PRMT7: variants seen among roughly 807,000 people sequenced by gnomAD.
PRMT7 encodes protein arginine N-methyltransferase 7.
PRMT7 carries 75 observed loss-of-function variants against 85.4 expected under a neutral mutation model. The observed-to-expected ratio is 0.88, with a 90% confidence interval of 0.73 to 1.06. PRMT7 has a LOEUF of 1.06. Among genes scored for constraint, PRMT7 ranks in the 50% least tolerant of loss-of-function variants. PRMT7 has a pLI of 0.00. For synonymous variants in PRMT7, 397 were observed against 359.5 expected (o/e 1.10, Z -1.18); for missense variants, 868 against 915.2 (o/e 0.95, Z 0.67).
chr16:68,323,854 G>A (rs2082784863), intron 4 of PRMT7: 1 of 152,136 alleles, frequency 6.6e-6, no homozygotes, highest in Non-Finnish European at 1.5e-5. Context: ...TTCAACAGAA[G>A]GGTCACTGTG....
intron 9 of PRMT7, 138 bp from the exon 10 acceptor site, chr16:68,345,537 C>G: frequency 2.3e-6 from 3 of 1,280,418 alleles, no homozygotes; most frequent in Non-Finnish European, 3.2e-6. Context: ...GTTTATTTAT[C>G]TCCTTGGCCA....
chr16:68,333,581 C>T (rs915974487), intron 6 of PRMT7, among the ~76,000 whole-genome samples: 3 of 152,106 alleles, frequency 2.0e-5, no homozygotes, highest in African/African-American at 7.2e-5. Context: ...CCTCAGCCTC[C>T]CAAAGTGCTG....
At chr16:68,346,337 A>G (rs773746538) in intron 11 of PRMT7, 57 bp downstream of exon 11, 22 of 1,605,772 alleles carry the variant, frequency 1.4e-5, no homozygotes, top group Non-Finnish European at 1.8e-5. Context: ...AGTTTGTCCC[A>G]TGAACCCCAG....
chr16:68,339,577 AC>A lies in PRMT7; in HGVS notation c.746+16del. The A allele has an allele frequency of 6.2e-7, 1 of 1,611,272 alleles. No homozygotes were observed. The highest frequency in any genetic ancestry group is 8.5e-7 in the Non-Finnish European group (1 of 1,178,438). ...GCCCATGTTCAGGTACCAAGGAGCC[AC>A]CATAGGTGATGGCGCTTTGAGACAT... On this transcript the variant is annotated intron_variant, in intron 8 of 18. Transcript: ENST00000441236.
chr16:68,341,828 A>C (rs1249536147), intron 9 of PRMT7, among the ~76,000 whole-genome samples: 1 of 152,242 alleles, frequency 6.6e-6, no homozygotes, highest in Non-Finnish European at 1.5e-5. Context: ...AGTTTCTGCA[A>C]GGTGGTGTTA....
rs73613978 is a variant in PRMT7 at position 68,340,038 on chromosome 16, G to T, written c.927+70G>T. On this transcript the variant is annotated intron_variant, in intron 9 of 18. Transcript: ENST00000441236. ...CACTGCTGTTCATGGGAAAGTAACAGTTGAGCCTTGGACCCAGGAGAATTT... is the reference window on the plus strand; with the variant it reads ...CACTGCTGTTCATGGGAAAGTAACATTTGAGCCTTGGACCCAGGAGAATTT... 5.1e-3 allele frequency: 7,288 copies of T among 1,442,086 alleles called. 296 individuals are homozygous for T. In the African/African-American group the frequency reaches 0.092, roughly 18 times the overall value. 89.3% of individuals were successfully genotyped at this position (1,442,086 alleles called of 1,614,324 possible). A position where few individuals can be genotyped will look rare whatever the true frequency, so the allele number is the denominator to read the frequency against.
In PRMT7 at chr16:68,316,008, C is replaced by T. The variant is rs756452564; in HGVS notation, c.29C>T (p.Pro10Leu). 3.7e-6 allele frequency: 6 copies of T among 1,613,580 alleles called. No homozygotes were observed. Among genetic ancestry groups the T allele is most frequent in the East Asian group, 4.5e-5 (2 of 44,904 alleles). MKIFCSRANPTTGSVEWLEE... is the reference protein window; with the variant it reads MKIFCSRANLTTGSVEWLEE... Reference sequence around the variant, plus strand: ...AAGATCTTCTGCAGTCGGGCCAATCCGACCACGGGGTCTGTGGAGTGGCTG... The same window carrying T: ...AAGATCTTCTGCAGTCGGGCCAATCTGACCACGGGGTCTGTGGAGTGGCTG... The change falls in exon 3 of 19, where the codon CCG becomes CTG. Residue 10 changes from proline (P) to leucine (L), a missense_variant. Physicochemically the swap from Pro to Leu is moderately conservative, Grantham distance 98 (BLOSUM62 -3). Transcript: ENST00000441236.
rs2863975 is a variant in PRMT7, at chr16:68,348,544, T to G, written c.1413+113T>G. On this transcript the variant is annotated intron_variant, in intron 14 of 18. Coordinates refer to ENST00000441236, the MANE Select transcript of PRMT7 (RefSeq NM_019023.5). Reference sequence around the variant, plus strand: ...GGAGTCTCACAGTGGGTCCTCCACATGCAACCTTACCTCCTACGAGCTCCC... The same window carrying G: ...GGAGTCTCACAGTGGGTCCTCCACAGGCAACCTTACCTCCTACGAGCTCCC... 91 of 703,750 alleles carry G rather than the reference T, an allele frequency of 1.3e-4. 1 individual carries two copies. Among genetic ancestry groups the G allele is most frequent in the East Asian group, 1.2e-3 (40 of 33,684 alleles). The allele number at this position is 703,750 out of a possible 1,614,324, so 43.6% of individuals were successfully genotyped here.
Position 68,355,703 on chromosome 16 carries a change from A to G in PRMT7, c.1651-20A>G. The G allele has an allele frequency of 2.6e-6, 4 of 1,539,024 alleles. No homozygotes were observed. Among genetic ancestry groups the G allele is most frequent in the Non-Finnish European group, 1.8e-6 (2 of 1,136,530 alleles). On this transcript the variant is annotated intron_variant, in intron 16 of 18. Transcript: ENST00000441236. The stretch of plus-strand genomic sequence containing the variant: ...CTGCCGGCCTGTCTCTGCAGCCCCC[A>G]GGCCCCCTTCTGTTCGCAGCGTGCC...
At chr16:68,352,550 C>A in intron 15 of PRMT7, 141 bp downstream of exon 15, 1 of 743,360 alleles carries the variant, frequency 1.3e-6, no homozygotes, top group Non-Finnish European at 2.0e-6. Flanking sequence ...TGTCAGCACA[C>A]TGTGGGGTTG....
chr16:68,314,595 A>C (rs1321842093), intron 2 of PRMT7, among the ~76,000 whole-genome samples: 3 of 152,248 alleles, frequency 2.0e-5, no homozygotes, highest in Non-Finnish European at 4.4e-5. Context: ...CAAAAGAAAA[A>C]AAACTCTGGC....
intron 14 of PRMT7, among the ~76,000 whole-genome samples, chr16:68,350,596 C>G (rs897686960): frequency 3.3e-5 from 5 of 152,156 alleles, no homozygotes; most frequent in African/African-American, 1.2e-4. Flanking sequence ...AAAAAAATAA[C>G]AGTTTTATTG....
At position 68,357,115 on chromosome 16, in the gene PRMT7, A is replaced by T; in HGVS notation, c.1970A>T (p.Asp657Val). The change falls in exon 19 of 19, where the codon GAT becomes GTT. Residue 657 changes from aspartate to valine, a missense_variant. By Grantham distance (152) the Asp-to-Val change is radical. Transcript: ENST00000441236. ...GTCTACTTCTTCAGCCCTGCCCCAG[A>T]TCCCAGAGCACTGCTGGGTGGCCCA... ...QAVYFFSPAP[D>V]PRALLGGPRT... 6.2e-7 allele frequency: 1 copy of T among 1,613,884 alleles called. No homozygotes were observed. The highest frequency in any genetic ancestry group is 8.5e-7 in the Non-Finnish European group (1 of 1,179,984).
intron 3 of PRMT7, among the ~76,000 whole-genome samples, chr16:68,321,122 AGCCAGG>A (rs2082438652): frequency 6.6e-6 from 1 of 152,142 alleles, no homozygotes; most frequent in Non-Finnish European, 1.5e-5. Flanking sequence ...TACAAAAATT[AGCCAGG>A]CGTGGTGGTG....
Position 68,357,039 on chromosome 16 carries a change from CTCT to C in PRMT7, c.1909-9_1909-7del, listed in dbSNP as rs761606578. ...CCAGGGAGCCCTCACCATCTTCCTG[CTCT>C]TCTTCCTACAGGGGGGCTGCTGCTG... On this transcript the variant is annotated splice_polypyrimidine_tract_variant and intron_variant, in intron 18 of 18. Transcript: ENST00000441236. The C allele has an allele frequency of 5.6e-6, 9 of 1,593,934 alleles. No individual in the cohort carries two copies. In the Admixed American group the frequency reaches 1.0e-4, roughly 18 times the overall value.
intron 9 of PRMT7, among the ~76,000 whole-genome samples, chr16:68,342,196 T>G (rs1172522395): frequency 6.6e-6 from 1 of 152,152 alleles, no homozygotes; most frequent in Non-Finnish European, 1.5e-5. Context: ...GAGAATTGCT[T>G]GAACCCAGGA....
intron 6 of PRMT7, among the ~76,000 whole-genome samples, chr16:68,334,252 A>G (rs1023192404): frequency 1.3e-5 from 2 of 152,206 alleles, no homozygotes; most frequent in Non-Finnish European, 2.9e-5. Context: ...GGAGTTAGGT[A>G]ATTTTTGTAA....
At chr16:68,333,417 G>A (rs1354877066) in intron 6 of PRMT7, among the ~76,000 whole-genome samples, 1 of 151,536 alleles carries the variant, frequency 6.6e-6, no homozygotes, top group Non-Finnish European at 1.5e-5. Context: ...GGAGGCAAAG[G>A]TTGCGGTGAG....
chr16:68,348,458 G>C (rs769567828), intron 14 of PRMT7, 27 bp downstream of exon 14: 1 of 1,563,334 alleles, frequency 6.4e-7, no homozygotes, highest in Non-Finnish European at 8.8e-7. Flanking sequence ...TTTTGGCCAC[G>C]CTGGGCTGTG....
Sources: allele counts gnomAD v4.1 joint callset (sites outside exome capture counted in the v4.1 genomes callset), GRCh38; gene constraint gnomAD v4.1.1; transcripts MANE v1.5; gene names NCBI Gene and HGNC (gene_info 2026-07-23, HGNC 2026-07-21).